Variants in PCDH7 observed in about 807,000 individuals in gnomAD.
PCDH7 encodes the protein protocadherin 7.
A neutral mutation model predicts 58.9 loss-of-function variants in PCDH7; 17 were observed. The observed-to-expected ratio is 0.29, with a 90% CI of 0.20 to 0.43. The LOEUF (loss-of-function observed/expected upper bound fraction) is 0.43. Among genes scored for constraint, PCDH7 ranks in the 20% least tolerant of loss-of-function variants. The pLI, the probability that PCDH7 is intolerant of heterozygous loss-of-function variation, is 1.00. For missense variants in PCDH7, 1,274 were observed against 1,441.0 expected, an observed-to-expected ratio of 0.88 and a Z score of 1.88; for synonymous variants, 664 against 616.4, an observed-to-expected ratio of 1.08 and a Z score of -1.14.
chr4:30,881,014 C>G (rs1434985232), intron 1 of PCDH7, among the ~76,000 whole-genome samples: 2 of 152,162 alleles, frequency 1.3e-5, no homozygotes, highest in Non-Finnish European at 2.9e-5. Flanking sequence ...ACTTTCTCAA[C>G]TCCAAGACCA....
At chr4:30,853,688 C>G (rs1733078681) in intron 1 of PCDH7, among the ~76,000 whole-genome samples, 1 of 152,076 alleles carries the variant, frequency 6.6e-6, no homozygotes, top group Non-Finnish European at 1.5e-5. Flanking sequence ...CACAGCATGC[C>G]TAAGATTTTC....
chr4:31,004,852 C>A (rs1383466460), intron 3 of PCDH7, among the ~76,000 whole-genome samples: 1 of 151,698 alleles, frequency 6.6e-6, no homozygotes. Context: ...ATTAATATGC[C>A]CTAGATCACA....
At chr4:30,986,692 G>T (rs1050473237) in intron 3 of PCDH7, among the ~76,000 whole-genome samples, 2 of 151,916 alleles carry the variant, frequency 1.3e-5, no homozygotes, top group African/African-American at 4.8e-5. Context: ...GTTTGAAAAT[G>T]TCTTTATTGG....
intron 3 of PCDH7, among the ~76,000 whole-genome samples, chr4:30,972,468 C>CA (rs1447618267): frequency 1.3e-5 from 2 of 151,996 alleles, no homozygotes; most frequent in Non-Finnish European, 2.9e-5. Context: ...CTGTCATCTA[C>CA]AAAAAATAGT....
intron 1 of PCDH7, among the ~76,000 whole-genome samples, chr4:30,916,135 G>T (rs1375648721): frequency 6.6e-6 from 1 of 152,142 alleles, no homozygotes; most frequent in Non-Finnish European, 1.5e-5. Context: ...ATAAATGGAG[G>T]TCTAGTGAAT....
chr4:31,095,507 G>T (rs1012067481), intron 3 of PCDH7, among the ~76,000 whole-genome samples: 1 of 152,058 alleles, frequency 6.6e-6, no homozygotes, highest in African/African-American at 2.4e-5. Flanking sequence ...ACTTCTGTTA[G>T]GGTTGTTTGT....
intron 1 of PCDH7, among the ~76,000 whole-genome samples, chr4:30,851,764 G>A (rs1048416779): frequency 1.3e-5 from 2 of 151,910 alleles, no homozygotes; most frequent in East Asian, 3.9e-4. Flanking sequence ...TTAAGTAATG[G>A]TTATCATTAA....
chr4:31,027,385 T>G (rs1396074425), intron 3 of PCDH7, among the ~76,000 whole-genome samples: 1 of 152,192 alleles, frequency 6.6e-6, no homozygotes, highest in Non-Finnish European at 1.5e-5. Flanking sequence ...ATATTCACAT[T>G]TATATGTTAT....
intron 3 of PCDH7, among the ~76,000 whole-genome samples, chr4:31,045,432 C>T (rs1455907336): frequency 2.0e-5 from 3 of 151,978 alleles, no homozygotes; most frequent in Non-Finnish European, 4.4e-5. Context: ...CCGTAGTGAA[C>T]ATAAAGGTTC....
intron 3 of PCDH7, among the ~76,000 whole-genome samples, chr4:30,958,843 A>C (rs1748113481): frequency 6.6e-6 from 1 of 152,058 alleles, no homozygotes; most frequent in South Asian, 2.1e-4. Flanking sequence ...TAAATTTAAG[A>C]TTAAGTTTTT....
rs573890421 is a variant in PCDH7, at chr4:30,901,708, G to C, written c.71-18445G>C. On this transcript the variant is annotated intron_variant, in intron 1 of 3. Coordinates refer to the PCDH7 transcript ENST00000509759. Reference sequence around the variant, plus strand: ...ATGTCTGGTGGAGTTCAAACTGGATGTCTAATTTTTCAGCCTAAGGAACTC... The same window carrying C: ...ATGTCTGGTGGAGTTCAAACTGGATCTCTAATTTTTCAGCCTAAGGAACTC... 7.9e-5 allele frequency among the ~76,000 whole-genome samples: 12 copies of C among 152,206 alleles called. No individual in the cohort carries two copies. In the South Asian group the frequency reaches 2.3e-3, roughly 29 times the overall value.
chr4:30,972,155 C>T (rs1173104629), intron 3 of PCDH7, among the ~76,000 whole-genome samples: 1 of 151,904 alleles, frequency 6.6e-6, no homozygotes, highest in Admixed American at 6.6e-5. Flanking sequence ...TAAAATAATT[C>T]CCTCTTTAAT....
intron 2 of PCDH7, among the ~76,000 whole-genome samples, chr4:30,928,243 C>T (rs1427298568): frequency 6.6e-6 from 1 of 152,194 alleles, no homozygotes; most frequent in Non-Finnish European, 1.5e-5. Context: ...CTCTCAACCT[C>T]AGAGGTTAGA....
intron 3 of PCDH7, among the ~76,000 whole-genome samples, chr4:31,074,406 C>T (rs903133760): frequency 4.6e-5 from 7 of 151,804 alleles, no homozygotes; most frequent in South Asian, 2.1e-4. Flanking sequence ...TTAATGACAG[C>T]GAGTACAAAC....
chr4:30,976,142 C>A (rs1158063089), intron 3 of PCDH7, among the ~76,000 whole-genome samples: 1 of 151,978 alleles, frequency 6.6e-6, no homozygotes, highest in African/African-American at 2.4e-5. Flanking sequence ...ATATAAAATT[C>A]TTTTATTTTT....
chr4:30,807,203 G>A (rs1726336280), intron 1 of PCDH7, among the ~76,000 whole-genome samples: 1 of 152,078 alleles, frequency 6.6e-6, no homozygotes, highest in African/African-American at 2.4e-5. Context: ...GCTTAAGCCT[G>A]GAAATTCTTC....
intron 3 of PCDH7, among the ~76,000 whole-genome samples, chr4:31,140,416 T>C (rs1213008557): frequency 6.6e-6 from 1 of 151,998 alleles, no homozygotes; most frequent in Non-Finnish European, 1.5e-5. Context: ...GATTTTTTTA[T>C]ATTTTAGAAG....
At chr4:30,771,855 T>C (rs1721451366) in intron 1 of PCDH7, among the ~76,000 whole-genome samples, 1 of 152,098 alleles carries the variant, frequency 6.6e-6, no homozygotes, top group Admixed American at 6.6e-5. Context: ...TATAGGAATA[T>C]AGATAGCCTT....
At chr4:31,111,346 C>G (rs1225571481) in intron 3 of PCDH7, among the ~76,000 whole-genome samples, 1 of 148,404 alleles carries the variant, frequency 6.7e-6, no homozygotes, top group African/African-American at 2.5e-5. Context: ...CTCGCTCTGT[C>G]GCTCGGGCTA....
Sources: allele counts gnomAD v4.1 joint callset (sites outside exome capture counted in the v4.1 genomes callset), GRCh38; gene constraint gnomAD v4.1.1; transcripts MANE v1.5; gene names NCBI Gene and HGNC (gene_info 2026-07-23, HGNC 2026-07-21).